Variants in L3MBTL2 observed in about 807,000 individuals in gnomAD.
L3MBTL2 encodes the protein L3MBTL histone methyl-lysine binding protein 2, also known as lethal(3)malignant brain tumor-like protein 2.
A neutral mutation model predicts 86.4 loss-of-function variants in L3MBTL2; 49 were observed. The observed-to-expected ratio is 0.57, with a 90% CI of 0.45 to 0.72. The LOEUF (loss-of-function observed/expected upper bound fraction) is 0.72. Ranked by LOEUF, L3MBTL2 falls within the 30% of genes least tolerant of loss-of-function variation. The pLI, the probability that L3MBTL2 is intolerant of heterozygous loss-of-function variation, is 0.00. For synonymous variants in L3MBTL2, 336 were observed against 350.6 expected (o/e 0.96, Z 0.47); for missense variants, 755 against 923.7 (o/e 0.82, Z 2.37).
intron 2 of L3MBTL2, among the ~76,000 whole-genome samples, chr22:41,212,396 CT>C (rs10553071): frequency 0.076 from 9,532 of 125,666 alleles, 354 homozygotes; most frequent in East Asian, 0.13. Flanking sequence ...TAGGTTCAGG[CT>C]TTTTTTTTTT....
At position 41,225,165 on chromosome 22, in the gene L3MBTL2, T is replaced by C. The variant is rs1601531655; in HGVS notation, c.1356+94T>C. On this transcript the variant is annotated intron_variant, in intron 11 of 16. Coordinates refer to ENST00000216237, the MANE Select transcript of L3MBTL2 (RefSeq NM_031488.5). This position sits in a 1 kb window ranked among gnomAD's most constrained non-coding sequence, Gnocchi z 4.1. The stretch of plus-strand genomic sequence containing the variant: ...AACCCCACTCGCCACCGTCAGGGGG[T>C]CTGTGTCCCAGCCTCTCATCACTGG... 2 of 970,722 alleles carry C rather than the reference T, an allele frequency of 2.1e-6. No individual in the cohort carries two copies. Among genetic ancestry groups the C allele is most frequent in the East Asian group, 2.5e-5 (1 of 40,028 alleles). 60.1% of individuals were successfully genotyped at this position (970,722 alleles called of 1,614,324 possible). A position where few individuals can be genotyped will look rare whatever the true frequency, so the allele number is the denominator to read the frequency against.
chr22:41,216,254 G>C lies in L3MBTL2; in HGVS notation c.512G>C (p.Gly171Ala). Residue 171 changes from glycine (G) to alanine (A), a missense_variant, in exon 4 of 17, where the codon GGA becomes GCA. Transcript: ENST00000216237. ...TGQLADGTPT[G>A]QDALVLGFDW... The stretch of plus-strand genomic sequence containing the variant: ...CAGCTGGCAGATGGGACACCAACAG[G>C]ACAAGACGGTAAGATAGCAGAGGGC... The C allele has an allele frequency of 6.2e-7, 1 of 1,613,916 alleles. No homozygotes were observed. Among genetic ancestry groups the C allele is most frequent in the Non-Finnish European group, 8.5e-7 (1 of 1,179,878 alleles).
At chr22:41,208,554 C>T (rs1377947886) in intron 1 of L3MBTL2, 1 of 259,316 alleles carries the variant, frequency 3.9e-6, no homozygotes, top group Non-Finnish European at 7.7e-6. Context: ...AAATGACTTG[C>T]CCAAGGCCCT....
At chr22:41,229,086 C>G (rs568929757) in intron 15 of L3MBTL2, among the ~76,000 whole-genome samples, 3 of 151,940 alleles carry the variant, frequency 2.0e-5, no homozygotes, top group African/African-American at 7.2e-5. Flanking sequence ...AGCGAGACCC[C>G]TAATTTAAAA....
rs139346290 is a variant in L3MBTL2 at position 41,224,134 on chromosome 22, C to T, written c.1057C>T (p.Leu353=). Residue 353 remains leucine (L), a synonymous_variant, in exon 9 of 17, where the codon CTA becomes TTA. Coordinates refer to ENST00000216237, the MANE Select transcript of L3MBTL2 (RefSeq NM_031488.5). The surrounding 1 kb of genome is among the most constrained non-coding windows in gnomAD (Gnocchi z 4.9). ...AVVDTVIGGR[L]RLLYEDGDSD... is the part of the protein sequence containing the mutation. ...GGTGGACACAGTAATCGGGGGTCGC[C>T]TACGGCTCCTCTACGAGGATGGTGA... 3,263 of 1,614,054 alleles carry T rather than the reference C, an allele frequency of 2.0e-3. 4 individuals are homozygous for T. Among genetic ancestry groups the T allele is most frequent in the Non-Finnish European group, 2.5e-3 (2,969 of 1,180,042 alleles).
Position 41,211,558 on chromosome 22 carries a change from T to TTTC in L3MBTL2, c.262+1627_262+1628insCTT, listed in dbSNP as rs781411389. Among the ~76,000 whole-genome samples, 10 of 24,640 alleles carry TTTC rather than the reference T, an allele frequency of 4.1e-4. 1 individual carries two copies. The highest frequency in any genetic ancestry group is 3.0e-3 in the African/African-American group (9 of 3,000). The allele number at this position is 24,640 out of a possible 152,430, so 16.2% of individuals were successfully genotyped here. On this transcript the variant is annotated intron_variant, in intron 2 of 16. Transcript: ENST00000216237. The stretch of plus-strand genomic sequence containing the variant: ...CTCTTTGCAGTTGAATCTTATTTCC[T>TTTC]TTTTTTTTTTTTTTTTGAGACGGAG...
chr22:41,229,522 ATCCAT>A lies in L3MBTL2; in HGVS notation c.1889-16_1889-12del. ...AATACAACCCTAATGCTGGGTTTGA[ATCCAT>A]TTTTATTCAAAGGGAAAAGAATCCC... On this transcript the variant is annotated splice_polypyrimidine_tract_variant and intron_variant, in intron 15 of 16. Coordinates refer to ENST00000216237, the MANE Select transcript of L3MBTL2 (RefSeq NM_031488.5). 1 of 1,603,618 alleles carries A rather than the reference ATCCAT, an allele frequency of 6.2e-7. No individual in the cohort carries two copies. Among genetic ancestry groups the A allele is most frequent in the Non-Finnish European group, 8.5e-7 (1 of 1,172,108 alleles).
At chr22:41,215,929 GCCTAGCACCC>G (rs773592145) in intron 3 of L3MBTL2, among the ~76,000 whole-genome samples, 200 bp from the exon 4 acceptor site, 25 of 152,170 alleles carry the variant, frequency 1.6e-4, no homozygotes, top group Admixed American at 1.1e-3. Flanking sequence ...CTGCAGCACT[GCCTAGCACCC>G]CCTAGCACCC....
chr22:41,226,533 A>G (rs2032195356), intron 12 of L3MBTL2, 129 bp from the exon 13 acceptor site: 1 of 717,528 alleles, frequency 1.4e-6, no homozygotes, highest in Non-Finnish European at 2.5e-6. Context: ...GGATGAGAAG[A>G]AGGCTGCTGG....
intron 3 of L3MBTL2, 152 bp downstream of exon 3, chr22:41,214,178 G>T: frequency 1.4e-6 from 1 of 701,012 alleles, no homozygotes; most frequent in Non-Finnish European, 2.4e-6. Context: ...GAGGACAGTA[G>T]AATCCATTTG....
intron 1 of L3MBTL2, among the ~76,000 whole-genome samples, chr22:41,207,216 T>TCTTA (rs927992313): frequency 2.0e-5 from 3 of 150,266 alleles, no homozygotes; most frequent in African/African-American, 7.3e-5. Context: ...CTGTATCGTC[T>TCTTA]CTTACTTCTC....
intron 8 of L3MBTL2, 71 bp from the exon 9 acceptor site, chr22:41,223,949 C>G (rs906434140): frequency 1.6e-6 from 2 of 1,238,538 alleles, no homozygotes; most frequent in African/African-American, 3.0e-5. Flanking sequence ...CTGTCCTCCA[C>G]TCACCAGAGC....
chr22:41,221,061 GAAGTC>G, intron 7 of L3MBTL2, 133 bp from the exon 8 acceptor site: 1 of 948,998 alleles, frequency 1.1e-6, no homozygotes, highest in South Asian at 1.7e-5. Context: ...GTTCTCAGAT[GAAGTC>G]ATTGCTGGCC....
At chr22:41,220,531 C>CA (rs1034225880) in intron 6 of L3MBTL2, among the ~76,000 whole-genome samples, 12 of 150,582 alleles carry the variant, frequency 8.0e-5, no homozygotes, top group Middle Eastern at 3.2e-3. Context: ...ATTTAAAATA[C>CA]AAAAAAAAAT....
chr22:41,216,272 C>T lies in L3MBTL2; in HGVS notation c.520+10C>T. On this transcript the variant is annotated intron_variant, in intron 4 of 16. Coordinates refer to ENST00000216237, the MANE Select transcript of L3MBTL2 (RefSeq NM_031488.5). ...CCAACAGGACAAGACGGTAAGATAG[C>T]AGAGGGCCCTGCTTAGGAAGCTGCC... The T allele has an allele frequency of 6.2e-7, 1 of 1,611,028 alleles. No homozygotes were observed.
chr22:41,224,845 C>T lies in L3MBTL2; in HGVS notation c.1251+44C>T. On this transcript the variant is annotated intron_variant, in intron 10 of 16. Transcript: ENST00000216237. This position sits in a 1 kb window ranked among gnomAD's most constrained non-coding sequence, Gnocchi z 4.9. ...GCGCTTTTCCCCTCAGCCATGGGTC[C>T]ATTCCGGGCCTGAGGGACCTGGCTC... 3 of 1,573,804 alleles carry T rather than the reference C, an allele frequency of 1.9e-6. No individual in the cohort carries two copies. In the South Asian group the frequency reaches 3.3e-5, roughly 17 times the overall value.
Position 41,227,331 on chromosome 22 carries a change from C to G in L3MBTL2, c.1822+8C>G. 6.3e-7 allele frequency: 1 copy of G among 1,584,294 alleles called. No homozygotes were observed. The highest frequency in any genetic ancestry group is 2.3e-5 in the East Asian group (1 of 43,208). On this transcript the variant is annotated splice_region_variant and intron_variant, in intron 14 of 16. Coordinates refer to ENST00000216237, the MANE Select transcript of L3MBTL2 (RefSeq NM_031488.5). This position sits in a 1 kb window ranked among gnomAD's most constrained non-coding sequence, Gnocchi z 6.0. ...AGCCTCCTGTGGCCGCAGGTGTGGG[C>G]TCTCGTGGCCCTAAGAGGCTCTGAC...
chr22:41,227,389 G>A lies in L3MBTL2; in HGVS notation c.1822+66G>A, dbSNP rs1290296051. On this transcript the variant is annotated intron_variant, in intron 14 of 16. Transcript: ENST00000216237. This position sits in a 1 kb window ranked among gnomAD's most constrained non-coding sequence, Gnocchi z 6.0. ...CCTCTTCTTTTTTCCTTCTTCCCCC[G>A]CCCCTGTGCCCATCTCCGTTCTTTG... 1.3e-5 allele frequency: 19 copies of A among 1,432,300 alleles called. No individual in the cohort carries two copies. Among genetic ancestry groups the A allele is most frequent in the Admixed American group, 4.0e-5 (2 of 50,420 alleles). The allele number at this position is 1,432,300 out of a possible 1,614,324, so 88.7% of individuals were successfully genotyped here.
At position 41,227,163 on chromosome 22, in the gene L3MBTL2, T is replaced by C. The variant is rs1433908293; in HGVS notation, c.1662T>C (p.Cys554=). The change falls in exon 14 of 17, where the codon TGT becomes TGC. Residue 554 remains cysteine (C), a synonymous_variant. Transcript: ENST00000216237. This position sits in a 1 kb window ranked among gnomAD's most constrained non-coding sequence, Gnocchi z 6.0. ...AVDLMEPRLI[C]VATVKRVVHR... is the part of the protein sequence containing the mutation. ...ACCTGATGGAGCCCCGGCTCATCTG[T>C]GTGGCCACGGTGAAACGAGTGGTGC... 2 of 1,613,782 alleles carry C rather than the reference T, an allele frequency of 1.2e-6. No individual in the cohort carries two copies.
Sources: allele counts gnomAD v4.1 joint callset (sites outside exome capture counted in the v4.1 genomes callset), GRCh38; gene constraint gnomAD v4.1.1; non-coding constraint Gnocchi (gnomAD v3.1); transcripts MANE v1.5; gene names NCBI Gene and HGNC (gene_info 2026-07-23, HGNC 2026-07-21).